The following SPON1 variants were observed in gnomAD, a reference collection of about 807,000 sequenced individuals.
The protein encoded by SPON1 is spondin 1.
A neutral mutation model predicts 111.7 loss-of-function variants in SPON1; 52 were observed. That is an observed-to-expected ratio of 0.47 (90% CI 0.37 to 0.59). The LOEUF (loss-of-function observed/expected upper bound fraction) is 0.59. Ranked by LOEUF, SPON1 falls within the 20% of genes least tolerant of loss-of-function variation. SPON1 has a pLI of 0.00. For synonymous variants in SPON1, 410 were observed against 395.8 expected (o/e 1.04, Z -0.43); for missense variants, 957 against 1,068.5 (o/e 0.90, Z 1.46).
intron 6 of SPON1, among the ~76,000 whole-genome samples, chr11:14,171,331 G>A (rs186079482): frequency 7.9e-5 from 12 of 152,150 alleles, no homozygotes; most frequent in Admixed American, 5.2e-4. Context: ...CTGTGGGATT[G>A]GTACTGATAT....
At chr11:14,175,660 G>A (rs1479284604) in intron 6 of SPON1, among the ~76,000 whole-genome samples, 1 of 152,138 alleles carries the variant, frequency 6.6e-6, no homozygotes, top group Non-Finnish European at 1.5e-5. Flanking sequence ...GAGAAAGAGA[G>A]AGCAAGCAGA....
intron 6 of SPON1, among the ~76,000 whole-genome samples, chr11:14,138,319 CA>C (rs1847616284): frequency 6.6e-6 from 1 of 151,224 alleles, no homozygotes; most frequent in African/African-American, 2.4e-5. Context: ...CACAAATGAA[CA>C]AAAATACTAA....
chr11:14,260,465 G>T, intron 13 of SPON1, 123 bp from the exon 14 acceptor site: 1 of 1,044,120 alleles, frequency 9.6e-7, no homozygotes, highest in Non-Finnish European at 1.4e-6. Flanking sequence ...TGAACCCATG[G>T]GCCAATTCCA....
chr11:14,243,886 C>T (rs1051509965), intron 7 of SPON1, among the ~76,000 whole-genome samples: 1 of 152,202 alleles, frequency 6.6e-6, no homozygotes, highest in East Asian at 1.9e-4. Flanking sequence ...CCAAAACTAC[C>T]TCCTGCCAAA....
intron 6 of SPON1, among the ~76,000 whole-genome samples, chr11:14,174,066 G>T (rs1302683008): frequency 6.6e-6 from 1 of 152,162 alleles, no homozygotes; most frequent in Non-Finnish European, 1.5e-5. Flanking sequence ...CATTTCTAGG[G>T]CCAAATAAGC....
chr11:14,255,777 T>C lies in SPON1; in HGVS notation c.1223T>C (p.Ile408Thr). ...TQVARVVIER[I>T]ARKGEQCNIV... ...GTAGCCAGAGTTGTCATCGAGAGAA[T>C]CGCACGGAAGGTACTGGGTTAGAAC... Residue 408 changes from isoleucine to threonine, a missense_variant, in exon 9 of 16, where the codon ATC becomes ACC. Transcript: ENST00000576479. 1 of 1,613,764 alleles carries C rather than the reference T, an allele frequency of 6.2e-7. No homozygotes were observed. Among genetic ancestry groups the C allele is most frequent in the Non-Finnish European group, 8.5e-7 (1 of 1,179,846 alleles).
At chr11:14,010,469 C>T (rs1276213725) in intron 2 of SPON1, among the ~76,000 whole-genome samples, 1 of 151,912 alleles carries the variant, frequency 6.6e-6, no homozygotes, top group Non-Finnish European at 1.5e-5. Context: ...CAGGTGAGGC[C>T]AAGTGAAGGT....
chr11:14,019,580 A>G (rs965124046), intron 2 of SPON1, among the ~76,000 whole-genome samples: 3 of 152,116 alleles, frequency 2.0e-5, no homozygotes, highest in African/African-American at 2.4e-5. Flanking sequence ...ATCATTATGT[A>G]TCTCTTAGGA....
chr11:14,190,644 C>CTTT (rs67284211), intron 6 of SPON1, among the ~76,000 whole-genome samples: 2 of 130,640 alleles, frequency 1.5e-5, no homozygotes, highest in Non-Finnish European at 3.3e-5. Context: ...TTTTCTTTTT[C>CTTT]TTTTTTTTTT....
At position 14,265,592 on chromosome 11, in the gene SPON1, C is replaced by T. The variant is rs958582561; in HGVS notation, c.2329C>T (p.Arg777Cys). The change falls in exon 16 of 16, where the codon CGT (arginine) becomes TGT (cysteine). Residue 777 changes from arginine (R) to cysteine (C), a missense_variant. Physicochemically the swap from Arg to Cys is radical, Grantham distance 180 (BLOSUM62 -3). Transcript: ENST00000576479. ...TKLCGGGIQE[R>C]YMTVKKRFKS... Reference sequence around the variant, plus strand: ...ACTGTGCGGAGGTGGAATTCAGGAACGTTACATGACTGTAAAGAAGAGATT... The same window carrying T: ...ACTGTGCGGAGGTGGAATTCAGGAATGTTACATGACTGTAAAGAAGAGATT... 1.2e-6 allele frequency: 2 copies of T among 1,613,478 alleles called. No individual in the cohort carries two copies. Among genetic ancestry groups the T allele is most frequent in the South Asian group, 1.1e-5 (1 of 90,974 alleles).
chr11:14,123,654 A>G (rs1460866700), intron 5 of SPON1, among the ~76,000 whole-genome samples: 1 of 152,184 alleles, frequency 6.6e-6, no homozygotes, highest in Non-Finnish European at 1.5e-5. Context: ...GGGGACTTCT[A>G]TGCATATTCT....
intron 15 of SPON1, among the ~76,000 whole-genome samples, chr11:14,264,513 C>T (rs1849239764): frequency 6.6e-6 from 1 of 152,154 alleles, no homozygotes; most frequent in Admixed American, 6.5e-5. Context: ...TTTTAAAGGC[C>T]TATTCTTTTT....
At chr11:14,012,786 G>A (rs182609685) in intron 2 of SPON1, among the ~76,000 whole-genome samples, 6 of 152,136 alleles carry the variant, frequency 3.9e-5, no homozygotes, top group African/African-American at 4.8e-5. Flanking sequence ...CAAGTCCTTT[G>A]AGGACAAAGC....
At position 14,242,913 on chromosome 11, in the gene SPON1, G is replaced by A. The variant is rs573705059; in HGVS notation, c.826-419G>A. Among the ~76,000 whole-genome samples, 5 of 152,352 alleles carry A rather than the reference G, an allele frequency of 3.3e-5. No homozygotes were observed. In the East Asian group the frequency reaches 7.7e-4, roughly 24 times the overall value. ...GAGGGGACAGTCCTCAGGGCCAGGT[G>A]TTAGCCACATTGCAACTCCTGCTGA... On this transcript the variant is annotated intron_variant, in intron 6 of 15. Coordinates refer to ENST00000576479, the MANE Select transcript of SPON1 (RefSeq NM_006108.4).
At chr11:14,122,780 C>A (rs1259167060) in intron 5 of SPON1, among the ~76,000 whole-genome samples, 1 of 152,092 alleles carries the variant, frequency 6.6e-6, no homozygotes, top group African/African-American at 2.4e-5. Flanking sequence ...CTCATTATGT[C>A]CATCTTTAAA....
intron 6 of SPON1, among the ~76,000 whole-genome samples, chr11:14,191,707 T>C (rs1848349486): frequency 6.6e-6 from 1 of 152,200 alleles, no homozygotes; most frequent in African/African-American, 2.4e-5. Context: ...TGCATATTTT[T>C]AGAACAGCCC....
chr11:14,221,329 G>C (rs989460472), intron 6 of SPON1, among the ~76,000 whole-genome samples: 1 of 152,138 alleles, frequency 6.6e-6, no homozygotes, highest in East Asian at 1.9e-4. Context: ...GGTAGGTAGA[G>C]TTGTTATACC....
At chr11:14,008,636 ACTT>A (rs1192783917) in intron 2 of SPON1, among the ~76,000 whole-genome samples, 37 of 152,174 alleles carry the variant, frequency 2.4e-4, no homozygotes, top group Non-Finnish European at 1.0e-4. Context: ...ATCTTTCCTC[ACTT>A]CTTCTCCTAC....
chr11:14,039,267 T>C (rs1295592180), intron 2 of SPON1, among the ~76,000 whole-genome samples: 1 of 152,224 alleles, frequency 6.6e-6, no homozygotes, highest in African/African-American at 2.4e-5. Context: ...ATACATCTCA[T>C]TATACATTTG....
Sources: gnomAD v4.1 joint callset for allele counts (sites outside exome capture counted in the v4.1 genomes callset) on GRCh38, gnomAD v4.1.1 for gene constraint, MANE v1.5 for transcripts, NCBI Gene and HGNC (gene_info 2026-07-23, HGNC 2026-07-21) for gene names.